Variants in SOBP observed in about 807,000 individuals in gnomAD.
The protein encoded by SOBP is sine oculis binding protein homolog, also known as sine oculis-binding protein homolog.
In SOBP, 4 loss-of-function variants were observed where a neutral mutation model predicts 53.6. The observed-to-expected ratio is 0.07, with a 90% confidence interval of 0.04 to 0.17. SOBP has a LOEUF of 0.17. Among genes scored for constraint, SOBP ranks in the 10% least tolerant of loss-of-function variants. The pLI, the probability that SOBP is intolerant of heterozygous loss-of-function variation, is 1.00. For synonymous variants in SOBP, 584 were observed against 522.6 expected (o/e 1.12, Z -1.60); for missense variants, 1,088 against 1,204.7 (o/e 0.90, Z 1.43).
At chr6:107,617,077 T>C (rs1016246352) in intron 5 of SOBP, among the ~76,000 whole-genome samples, 1 of 152,168 alleles carries the variant, frequency 6.6e-6, no homozygotes, top group African/African-American at 2.4e-5. Context: ...GCAGCAGGGT[T>C]CACCCGCACA....
At chr6:107,500,447 AT>A (rs1392871054) in intron 1 of SOBP, among the ~76,000 whole-genome samples, 3 of 151,860 alleles carry the variant, frequency 2.0e-5, no homozygotes, top group African/African-American at 7.3e-5. Context: ...AATTTATTTT[AT>A]TTACTTTGGT....
At chr6:107,585,808 C>CA (rs1198951349) in intron 4 of SOBP, among the ~76,000 whole-genome samples, 1 of 152,158 alleles carries the variant, frequency 6.6e-6, no homozygotes, top group East Asian at 1.9e-4. Flanking sequence ...CTAAAATGTA[C>CA]AAAATATGGA....
At chr6:107,632,607 A>G (rs1467306359) in intron 5 of SOBP, among the ~76,000 whole-genome samples, 2 of 152,218 alleles carry the variant, frequency 1.3e-5, no homozygotes, top group Non-Finnish European at 2.9e-5. Flanking sequence ...AATTTCTCCA[A>G]AGTAATGGGT....
intron 5 of SOBP, among the ~76,000 whole-genome samples, chr6:107,589,855 GCA>G (rs150918163): frequency 4.0e-5 from 6 of 151,530 alleles, no homozygotes; most frequent in Admixed American, 2.0e-4. Context: ...GCACACACGT[GCA>G]CACACACACA....
chr6:107,653,084 A>G (rs1771875871), intron 6 of SOBP, among the ~76,000 whole-genome samples: 1 of 152,226 alleles, frequency 6.6e-6, no homozygotes, highest in Non-Finnish European at 1.5e-5. Context: ...TCATCAGTTA[A>G]TGAGCTATAA....
chr6:107,656,287 AAAAGAAAGAAAGAAAGAAAGAAAGAAAG>A (rs1184787226), intron 6 of SOBP, among the ~76,000 whole-genome samples: 4 of 124,266 alleles, frequency 3.2e-5, no homozygotes, highest in African/African-American at 9.5e-5. Flanking sequence ...AGAAAGAAAG[AAAAGAAAGAAAGAAAGAAAGAAAGAAAG>A]AAAGAAAGAA....
intron 6 of SOBP, among the ~76,000 whole-genome samples, chr6:107,654,794 G>A (rs1771953941): frequency 1.3e-5 from 2 of 150,498 alleles, no homozygotes; most frequent in Admixed American, 6.6e-5. Flanking sequence ...GGGTGGCTGA[G>A]GAACATGGAG....
intron 1 of SOBP, among the ~76,000 whole-genome samples, chr6:107,496,399 A>G (rs553857432): frequency 6.6e-6 from 1 of 152,350 alleles, no homozygotes; most frequent in Admixed American, 6.5e-5. Context: ...TTTGCTCTGT[A>G]TCACGACGAG....
chr6:107,642,699 C>A (rs918199273), intron 6 of SOBP, among the ~76,000 whole-genome samples: 2 of 152,222 alleles, frequency 1.3e-5, no homozygotes, highest in African/African-American at 4.8e-5. Context: ...GTTGTCTCAT[C>A]ATTTTCCCCT....
chr6:107,653,890 G>T (rs1299877820), intron 6 of SOBP, among the ~76,000 whole-genome samples: 1 of 152,212 alleles, frequency 6.6e-6, no homozygotes, highest in East Asian at 1.9e-4. Context: ...GGTCAAAGAA[G>T]TAAAGGTGAG....
At chr6:107,584,826 CAT>C (rs1322198595) in intron 4 of SOBP, among the ~76,000 whole-genome samples, 1 of 150,424 alleles carries the variant, frequency 6.6e-6, no homozygotes, top group African/African-American at 2.5e-5. Context: ...ACAAAAAAAA[CAT>C]TGTGTGCACC....
chr6:107,597,935 A>C (rs1786004098), intron 5 of SOBP, among the ~76,000 whole-genome samples: 1 of 152,180 alleles, frequency 6.6e-6, no homozygotes, highest in Non-Finnish European at 1.5e-5. Flanking sequence ...CTGGGTATTT[A>C]ATGTCATGGA....
At position 107,511,225 on chromosome 6, in the gene SOBP, A is replaced by G. The variant is rs565671682; in HGVS notation, c.421+4798A>G. Among the ~76,000 whole-genome samples the G allele has an allele frequency of 2.0e-5, 3 of 152,234 alleles. No homozygotes were observed. In the East Asian group the frequency reaches 5.8e-4, roughly 29 times the overall value. The stretch of plus-strand genomic sequence containing the variant: ...TTTAATGTAAATTGCCTTTTAGCAT[A>G]TTCCTACAAAATTTCCCTAGATTGT... On this transcript the variant is annotated intron_variant, in intron 3 of 6. Coordinates refer to ENST00000317357, the MANE Select transcript of SOBP (RefSeq NM_018013.4).
At chr6:107,499,532 A>G (rs1469423265) in intron 1 of SOBP, among the ~76,000 whole-genome samples, 1 of 152,222 alleles carries the variant, frequency 6.6e-6, no homozygotes, top group Admixed American at 6.5e-5. Context: ...AGTCTGCAAA[A>G]TGTAGTTCAG....
At chr6:107,579,573 T>C (rs1300682044) in intron 4 of SOBP, among the ~76,000 whole-genome samples, 2 of 152,150 alleles carry the variant, frequency 1.3e-5, no homozygotes, top group Non-Finnish European at 2.9e-5. Flanking sequence ...GTGGAATCTG[T>C]TGCCATAACT....
chr6:107,640,191 AG>A (rs1367294892), intron 6 of SOBP, among the ~76,000 whole-genome samples: 1 of 152,236 alleles, frequency 6.6e-6, no homozygotes, highest in Non-Finnish European at 1.5e-5. Flanking sequence ...TCTCAAACTG[AG>A]AAGTTCAAGA....
intron 5 of SOBP, among the ~76,000 whole-genome samples, chr6:107,610,796 GCACACACACACACA>G (rs150127640): frequency 1.3e-5 from 2 of 149,038 alleles, no homozygotes; most frequent in African/African-American, 2.4e-5. Flanking sequence ...GTGTGCACAC[GCACACACACACACA>G]CACACACACA....
intron 6 of SOBP, among the ~76,000 whole-genome samples, chr6:107,638,736 T>C (rs2115157996): frequency 6.6e-6 from 1 of 152,210 alleles, no homozygotes; most frequent in African/African-American, 2.4e-5. Context: ...GAGGTGCAGG[T>C]GAATGATTTC....
chr6:107,527,937 A>G (rs1783712117), intron 3 of SOBP, among the ~76,000 whole-genome samples: 1 of 152,200 alleles, frequency 6.6e-6, no homozygotes, highest in Non-Finnish European at 1.5e-5. Flanking sequence ...GACATGTCCT[A>G]CAGTGTCATC....
Sources: gnomAD v4.1 joint callset for allele counts (sites outside exome capture counted in the v4.1 genomes callset) on GRCh38, gnomAD v4.1.1 for gene constraint, MANE v1.5 for transcripts, NCBI Gene and HGNC (gene_info 2026-07-23, HGNC 2026-07-21) for gene names.